The following RXRA variants were observed in gnomAD, a reference collection of about 807,000 sequenced individuals.
The protein encoded by RXRA is retinoid X receptor alpha.
In RXRA, 5 loss-of-function variants were observed where a neutral mutation model predicts 44.5. The observed-to-expected ratio is 0.11, with a 90% CI of 0.06 to 0.24. The LOEUF is 0.24. Among genes scored for constraint, RXRA ranks in the 10% least tolerant of loss-of-function variants. The pLI is 1.00. For missense variants in RXRA, 412 were observed against 646.5 expected, an observed-to-expected ratio of 0.64 and a Z score of 3.93; for synonymous variants, 291 against 271.4, an observed-to-expected ratio of 1.07 and a Z score of -0.71.
At chr9:134,383,995 G>T (rs75831767) in intron 1 of RXRA, among the ~76,000 whole-genome samples, 3 of 152,158 alleles carry the variant, frequency 2.0e-5, no homozygotes, top group Non-Finnish European at 4.4e-5. Context: ...ACTAGCATGT[G>T]CCTGTGGTAC....
In RXRA at chr9:134,366,541, C is replaced by T. The variant is rs559872039; in HGVS notation, c.29-35091C>T. Among the ~76,000 whole-genome samples the T allele has an allele frequency of 5.9e-5, 9 of 152,286 alleles. No homozygotes were observed. In the East Asian group the frequency reaches 1.7e-3, roughly 29 times the overall value. On this transcript the variant is annotated intron_variant, in intron 1 of 9. Transcript: ENST00000481739. The surrounding 1 kb of genome is among the most constrained non-coding windows in gnomAD (Gnocchi z 5.9). ...GCAGCCACCCCGTGCCATGGGCCTCCAGGTCCCCCGGGTGCTGGCCTGGGG... is the reference window on the plus strand; with the variant it reads ...GCAGCCACCCCGTGCCATGGGCCTCTAGGTCCCCCGGGTGCTGGCCTGGGG...
intron 8 of RXRA, 96 bp downstream of exon 8, chr9:134,432,092 A>T: frequency 7.9e-6 from 7 of 884,558 alleles, no homozygotes; most frequent in Non-Finnish European, 1.3e-5. Flanking sequence ...CTCTGGCTAC[A>T]TGTGGGGCCA....
At chr9:134,385,015 G>T (rs1439677386) in intron 1 of RXRA, among the ~76,000 whole-genome samples, 2 of 152,214 alleles carry the variant, frequency 1.3e-5, no homozygotes, top group Non-Finnish European at 2.9e-5. Context: ...CCTGGCCTGG[G>T]ATGGGCACAG....
chr9:134,399,089 G>A (rs545736425), intron 1 of RXRA, among the ~76,000 whole-genome samples: 3 of 152,390 alleles, frequency 2.0e-5, no homozygotes, highest in South Asian at 2.1e-4. Context: ...CTGAGTACGC[G>A]TGCCTGTCTG....
chr9:134,425,068 A>G, intron 6 of RXRA: 4 of 985,430 alleles, frequency 4.1e-6, no homozygotes, highest in Non-Finnish European at 4.8e-6. Context: ...GCCATTGGCC[A>G]TGCAGGTTCA....
intron 5 of RXRA, among the ~76,000 whole-genome samples, chr9:134,418,046 C>T (rs1831269882): frequency 6.6e-6 from 1 of 152,200 alleles, no homozygotes; most frequent in Non-Finnish European, 1.5e-5. Context: ...GGCTCGCTCC[C>T]TGTGGCATCT....
intron 1 of RXRA, among the ~76,000 whole-genome samples, chr9:134,362,285 C>T (rs901795730): frequency 2.0e-5 from 3 of 152,170 alleles, no homozygotes; most frequent in Non-Finnish European, 2.9e-5. Context: ...GACCCTGAAC[C>T]CCCTCCCTGC....
intron 1 of RXRA, among the ~76,000 whole-genome samples, chr9:134,327,495 G>A (rs1834934849): frequency 6.6e-6 from 1 of 152,172 alleles, no homozygotes; most frequent in African/African-American, 2.4e-5. Flanking sequence ...CTAGTGAGAA[G>A]GGGGAGACTT....
At chr9:134,361,939 T>C (rs1830357307) in intron 1 of RXRA, among the ~76,000 whole-genome samples, 1 of 152,178 alleles carries the variant, frequency 6.6e-6, no homozygotes, top group South Asian at 2.1e-4. Flanking sequence ...GGTGTGCACA[T>C]AGCTCCGGCT....
intron 1 of RXRA, among the ~76,000 whole-genome samples, chr9:134,353,449 A>C (rs781928307): frequency 6.6e-6 from 1 of 152,184 alleles, no homozygotes. Context: ...GTGTATGCAC[A>C]TTAAGCTGGT....
intron 4 of RXRA, among the ~76,000 whole-genome samples, chr9:134,415,338 C>T (rs945788880): frequency 1.3e-5 from 2 of 151,986 alleles, no homozygotes; most frequent in East Asian, 3.9e-4. Flanking sequence ...AGCCCCGAGA[C>T]GGCTGCTCAG....
chr9:134,410,453 A>ATGTGCCCAGCCTGGAGAGGTG (rs1186708123), intron 4 of RXRA, among the ~76,000 whole-genome samples: 30 of 152,302 alleles, frequency 2.0e-4, no homozygotes, highest in African/African-American at 6.5e-4. Flanking sequence ...GCAGAGGAGC[A>ATGTGCCCAGCCTGGAGAGGTG]TGTGCCCAGC....
chr9:134,329,354 G>C lies in RXRA; in HGVS notation c.28+2695G>C, dbSNP rs957422746. The stretch of plus-strand genomic sequence containing the variant: ...GGGCCTGACGAGGGCGTCTTTTAGC[G>C]CGGGCGCTGCCCGACGGCAGGGTGT... On this transcript the variant is annotated intron_variant, in intron 1 of 9. Coordinates refer to ENST00000481739, the MANE Select transcript of RXRA (RefSeq NM_002957.6). Among the ~76,000 whole-genome samples, 3 of 152,388 alleles carry C rather than the reference G, an allele frequency of 2.0e-5. No homozygotes were observed. In the South Asian group the frequency reaches 6.2e-4, roughly 32 times the overall value.
intron 5 of RXRA, among the ~76,000 whole-genome samples, chr9:134,418,913 G>T (rs1026826165): frequency 2.0e-5 from 3 of 152,202 alleles, no homozygotes; most frequent in African/African-American, 7.2e-5. Flanking sequence ...TGAGGGTGGG[G>T]GTCTGCTCTT....
intron 9 of RXRA, 118 bp from the exon 10 acceptor site, chr9:134,436,349 G>A (rs954852062): frequency 7.8e-6 from 8 of 1,024,022 alleles, no homozygotes; most frequent in African/African-American, 1.6e-5. Context: ...CAGGGCTACA[G>A]ACCAGCCTCA....
At chr9:134,345,627 A>G (rs1588254578) in intron 1 of RXRA, among the ~76,000 whole-genome samples, 1 of 152,198 alleles carries the variant, frequency 6.6e-6, no homozygotes, top group Non-Finnish European at 1.5e-5. Flanking sequence ...AGGCTGTCCC[A>G]CCAGCTGCCT....
At chr9:134,385,164 C>T (rs2119109783) in intron 1 of RXRA, among the ~76,000 whole-genome samples, 1 of 152,316 alleles carries the variant, frequency 6.6e-6, no homozygotes, top group African/African-American at 2.4e-5. Context: ...TCTCAGGCCT[C>T]CTGGGTGGAT....
chr9:134,436,524 G>A lies in RXRA; in HGVS notation c.1299G>A (p.Leu433=). The A allele has an allele frequency of 6.2e-7, 1 of 1,614,176 alleles. No individual in the cohort carries two copies. Among genetic ancestry groups the A allele is most frequent in the Non-Finnish European group, 8.5e-7 (1 of 1,180,046 alleles). Reference sequence around the variant, plus strand: ...TGCGCTCCATCGGGCTCAAATGCCTGGAACATCTCTTCTTCTTCAAGCTCA... The same window carrying A: ...TGCGCTCCATCGGGCTCAAATGCCTAGAACATCTCTTCTTCTTCAAGCTCA... ...PALRSIGLKC[L]EHLFFFKLIG... Residue 433 remains leucine, a synonymous_variant, in exon 10 of 10, where the codon CTG becomes CTA. Transcript: ENST00000481739.
chr9:134,345,609 C>A (rs1830140481), intron 1 of RXRA, among the ~76,000 whole-genome samples: 1 of 152,146 alleles, frequency 6.6e-6, no homozygotes, highest in Non-Finnish European at 1.5e-5. Context: ...TGCTGGTAGC[C>A]CCGGCAGAGG....
Sources: allele counts gnomAD v4.1 joint callset (sites outside exome capture counted in the v4.1 genomes callset), GRCh38; gene constraint gnomAD v4.1.1; non-coding constraint Gnocchi (gnomAD v3.1); transcripts MANE v1.5; gene names NCBI Gene and HGNC (gene_info 2026-07-23, HGNC 2026-07-21).